The following NDST4 variants were observed in gnomAD, a reference collection of about 807,000 sequenced individuals.
NDST4 encodes the protein N-deacetylase and N-sulfotransferase 4, also known as N-heparan sulfate sulfotransferase 4.
A neutral mutation model predicts 100.8 loss-of-function variants in NDST4; 63 were observed. The observed-to-expected ratio is 0.62, with a 90% CI of 0.51 to 0.77. NDST4 has a LOEUF of 0.77. Ranked by LOEUF, NDST4 falls within the 30% of genes least tolerant of loss-of-function variation. The pLI is 0.00. For synonymous variants in NDST4, 377 were observed against 361.8 expected, an observed-to-expected ratio of 1.04 and a Z score of -0.48; for missense variants, 943 against 1,018.4, an observed-to-expected ratio of 0.93 and a Z score of 1.01.
At chr4:114,900,260 G>T in intron 6 of NDST4, among the ~76,000 whole-genome samples, 1 of 151,162 alleles carries the variant, frequency 6.6e-6, no homozygotes. Flanking sequence ...TACTCTTATT[G>T]ATCATTTTAG....
At chr4:114,840,375 G>A (rs918041038) in intron 10 of NDST4, among the ~76,000 whole-genome samples, 4 of 151,952 alleles carry the variant, frequency 2.6e-5, no homozygotes, top group African/African-American at 9.7e-5. Flanking sequence ...GATAGATCCT[G>A]GAGATGAAAA....
At chr4:115,071,775 C>T (rs1044454834) in intron 2 of NDST4, among the ~76,000 whole-genome samples, 4 of 151,596 alleles carry the variant, frequency 2.6e-5, no homozygotes, top group Non-Finnish European at 5.9e-5. Context: ...ATGAGACTGT[C>T]AAAACTTTTT....
At chr4:114,851,591 A>G (rs1425038400) in intron 8 of NDST4, among the ~76,000 whole-genome samples, 1 of 152,196 alleles carries the variant, frequency 6.6e-6, no homozygotes, top group East Asian at 1.9e-4. Flanking sequence ...GATAGGGGAT[A>G]CATCTTTCTA....
chr4:115,005,277 A>G (rs898639424), intron 2 of NDST4, among the ~76,000 whole-genome samples: 1 of 152,154 alleles, frequency 6.6e-6, no homozygotes, highest in African/African-American at 2.4e-5. Flanking sequence ...GACCTAATAA[A>G]CACATTACAT....
intron 8 of NDST4, among the ~76,000 whole-genome samples, chr4:114,850,927 CT>C (rs1210308276): frequency 6.6e-6 from 1 of 152,158 alleles, no homozygotes; most frequent in African/African-American, 2.4e-5. Context: ...GTCTCTAAGT[CT>C]ATGTCCATCA....
At chr4:115,060,303 GTTTC>G (rs796755191) in intron 2 of NDST4, among the ~76,000 whole-genome samples, 4 of 152,014 alleles carry the variant, frequency 2.6e-5, no homozygotes, top group African/African-American at 9.6e-5. Flanking sequence ...TTTGGCAAAA[GTTTC>G]TAAGAAAGGA....
chr4:115,011,162 T>C (rs1310928812), intron 2 of NDST4, among the ~76,000 whole-genome samples: 1 of 151,998 alleles, frequency 6.6e-6, no homozygotes, highest in Non-Finnish European at 1.5e-5. Context: ...CTTCAGAAGC[T>C]TAGTACTAAG....
chr4:114,935,408 G>C, intron 5 of NDST4, 74 bp from the exon 6 acceptor site: 1 of 1,337,608 alleles, frequency 7.5e-7, no homozygotes, highest in Non-Finnish European at 9.8e-7. Flanking sequence ...CATAACTTTA[G>C]AATCTGCAAA....
intron 6 of NDST4, among the ~76,000 whole-genome samples, chr4:114,913,253 G>T (rs1166551252): frequency 6.6e-6 from 1 of 151,896 alleles, no homozygotes; most frequent in African/African-American, 2.4e-5. Context: ...GGATTAAAGG[G>T]CTAATTTAGA....
intron 4 of NDST4, among the ~76,000 whole-genome samples, chr4:114,958,213 G>A (rs1726182086): frequency 6.6e-6 from 1 of 152,200 alleles, no homozygotes. Flanking sequence ...TTCCATACAT[G>A]CTCTGAAATC....
intron 6 of NDST4, among the ~76,000 whole-genome samples, chr4:114,931,752 A>G (rs1015429653): frequency 1.3e-5 from 2 of 151,946 alleles, no homozygotes; most frequent in African/African-American, 4.8e-5. Context: ...GAAGAAACAG[A>G]TAAATTCCCA....
intron 8 of NDST4, among the ~76,000 whole-genome samples, 189 bp downstream of exon 8, chr4:114,852,536 A>G (rs1723700422): frequency 6.6e-6 from 1 of 152,142 alleles, no homozygotes; most frequent in African/African-American, 2.4e-5. Flanking sequence ...TTAGTGGGAA[A>G]CTTTAAGATC....
At chr4:115,039,027 T>C (rs568741482) in intron 2 of NDST4, among the ~76,000 whole-genome samples, 1 of 152,280 alleles carries the variant, frequency 6.6e-6, no homozygotes, top group South Asian at 2.1e-4. Context: ...CATATCTCTC[T>C]GATTTTCTTA....
At chr4:115,030,461 C>A (rs746415007) in intron 2 of NDST4, among the ~76,000 whole-genome samples, 10 of 152,072 alleles carry the variant, frequency 6.6e-5, no homozygotes, top group Admixed American at 2.6e-4. Flanking sequence ...AAAAATGCTT[C>A]TTTGTAATGT....
At chr4:114,847,440 C>A (rs1239514494) in intron 9 of NDST4, among the ~76,000 whole-genome samples, 1 of 123,742 alleles carries the variant, frequency 8.1e-6, no homozygotes, top group Non-Finnish European at 1.6e-5. Flanking sequence ...CAAACAGGTT[C>A]ATGCATGATG....
chr4:115,071,703 T>A (rs1055730865), intron 2 of NDST4, among the ~76,000 whole-genome samples: 7 of 151,586 alleles, frequency 4.6e-5, no homozygotes, highest in Admixed American at 2.6e-4. Flanking sequence ...AGGATGAAAT[T>A]CTCCTTGTGC....
At chr4:114,867,177 A>G (rs969823810) in intron 7 of NDST4, among the ~76,000 whole-genome samples, 6 of 152,246 alleles carry the variant, frequency 3.9e-5, no homozygotes, top group Admixed American at 3.9e-4. Flanking sequence ...TGCTCTTACA[A>G]TCTTTAATTC....
intron 6 of NDST4, among the ~76,000 whole-genome samples, chr4:114,885,682 A>G (rs1724462882): frequency 6.6e-6 from 1 of 152,106 alleles, no homozygotes; most frequent in African/African-American, 2.4e-5. Context: ...CAGGCAACAT[A>G]TGAATGGATT....
intron 2 of NDST4, among the ~76,000 whole-genome samples, chr4:115,064,162 TG>T (rs1728882695): frequency 6.6e-6 from 1 of 152,016 alleles, no homozygotes; most frequent in African/African-American, 2.4e-5. Context: ...TCAGAGGCCT[TG>T]TTTTGAAAAG....
Sources: allele counts gnomAD v4.1 joint callset (sites outside exome capture counted in the v4.1 genomes callset), GRCh38; gene constraint gnomAD v4.1.1; transcripts MANE v1.5; gene names NCBI Gene and HGNC (gene_info 2026-07-23, HGNC 2026-07-21).